PCLO: variants seen among roughly 807,000 people sequenced by gnomAD.
PCLO encodes the protein piccolo presynaptic cytomatrix protein.
Under a neutral mutation model 427.5 loss-of-function variants are expected in PCLO, and 82 were observed. The observed-to-expected ratio is 0.19, with a 90% CI of 0.16 to 0.23. The LOEUF (loss-of-function observed/expected upper bound fraction) is 0.23. Among genes scored for constraint, PCLO ranks in the 10% least tolerant of loss-of-function variants. The probability of loss-of-function intolerance (pLI) is 1.00; values close to 1 mark genes in which losing one functional copy is unlikely to be tolerated. For synonymous variants in PCLO, 2,357 were observed against 2,155.4 expected (o/e 1.09, Z -2.59); for missense variants, 6,239 against 6,115.9 (o/e 1.02, Z -0.67).
At position 82,956,348 on chromosome 7, in the gene PCLO, T is replaced by C; in HGVS notation, c.4605A>G (p.Ser1535=). Reference sequence around the variant, plus strand: ...CCTGTTTATACTCATCACTGCTTGATGAGCCAACACTAGTTCTTCGTTTTC... The same window carrying C: ...CCTGTTTATACTCATCACTGCTTGACGAGCCAACACTAGTTCTTCGTTTTC... ...PQRKRRTSVG[S]SSSDEYKQED... The change falls in exon 5 of 25, where the codon TCA becomes TCG. Residue 1535 remains serine (S), a synonymous_variant. Transcript: ENST00000333891. 6.2e-7 allele frequency: 1 copy of C among 1,613,190 alleles called. No homozygotes were observed. The highest frequency in any genetic ancestry group is 8.5e-7 in the Non-Finnish European group (1 of 1,179,770).
At chr7:83,158,576 A>G (rs1792356668) in intron 1 of PCLO, among the ~76,000 whole-genome samples, 1 of 151,966 alleles carries the variant, frequency 6.6e-6, no homozygotes, top group African/African-American at 2.4e-5. Context: ...AAATACTACT[A>G]AACTTATTTT....
intron 10 of PCLO, among the ~76,000 whole-genome samples, chr7:82,872,886 G>A (rs1030102600): frequency 6.6e-6 from 1 of 152,094 alleles, no homozygotes; most frequent in African/African-American, 2.4e-5. Context: ...AAAGACATGT[G>A]TGGCAAGATA....
Position 82,761,378 on chromosome 7 carries a change from C to T in PCLO, c.15123G>A (p.Lys5041=), listed in dbSNP as rs769619257. ...LQCRNITYKF[K]SPDHLPDLYV... is the part of the protein sequence containing the mutation. ...AGATACCTGGTAGATGATCAGGAGACTTAAATTTGTATGTAATATTTCTGC... is the reference window on the plus strand; with the variant it reads ...AGATACCTGGTAGATGATCAGGAGATTTAAATTTGTATGTAATATTTCTGC... The change falls in exon 23 of 25, where the codon AAG becomes AAA. Residue 5041 remains lysine (K), a synonymous_variant. Coordinates refer to ENST00000333891, the MANE Select transcript of PCLO (RefSeq NM_033026.6). 3 of 1,498,130 alleles carry T rather than the reference C, an allele frequency of 2.0e-6. No individual in the cohort carries two copies. The highest frequency in any genetic ancestry group is 2.7e-6 in the Non-Finnish European group (3 of 1,093,546). The allele number at this position is 1,498,130 out of a possible 1,614,324, so 92.8% of individuals were successfully genotyped here. A position where few individuals can be genotyped will look rare whatever the true frequency, so the allele number is the denominator to read the frequency against.
At chr7:83,000,671 G>T (rs1300655655) in intron 3 of PCLO, among the ~76,000 whole-genome samples, 2 of 151,940 alleles carry the variant, frequency 1.3e-5, no homozygotes, top group Non-Finnish European at 2.9e-5. Flanking sequence ...TTGCTCACTG[G>T]TCTGCTGCTC....
intron 1 of PCLO, among the ~76,000 whole-genome samples, chr7:83,158,746 G>A (rs1017792444): frequency 2.0e-5 from 3 of 151,926 alleles, no homozygotes; most frequent in African/African-American, 7.2e-5. Context: ...AATATAAGTT[G>A]TACTTTACTA....
intron 3 of PCLO, among the ~76,000 whole-genome samples, chr7:83,103,123 C>T (rs887195410): frequency 2.0e-5 from 3 of 151,848 alleles, no homozygotes; most frequent in Non-Finnish European, 1.5e-5. Context: ...AGTGTCTATA[C>T]TATGAATCTT....
intron 2 of PCLO, among the ~76,000 whole-genome samples, chr7:83,138,529 T>C (rs1791785424): frequency 6.6e-6 from 1 of 151,912 alleles, no homozygotes; most frequent in Non-Finnish European, 1.5e-5. Context: ...GGTGTAGTGG[T>C]GCATGCCTGC....
intron 22 of PCLO, among the ~76,000 whole-genome samples, chr7:82,764,970 T>C (rs947593683): frequency 2.0e-5 from 3 of 151,930 alleles, no homozygotes; most frequent in Non-Finnish European, 2.9e-5. Context: ...ATAATGAATA[T>C]ACCTTTTTCT....
chr7:82,883,068 G>A (rs1295830172), intron 9 of PCLO, among the ~76,000 whole-genome samples: 2 of 152,006 alleles, frequency 1.3e-5, no homozygotes, highest in Non-Finnish European at 2.9e-5. Context: ...TCAACGGAAA[G>A]CAAAATTGGT....
intron 3 of PCLO, among the ~76,000 whole-genome samples, chr7:83,039,266 C>T (rs962040641): frequency 3.3e-5 from 5 of 151,824 alleles, no homozygotes; most frequent in African/African-American, 1.2e-4. Flanking sequence ...ACTTTTGGGG[C>T]CAGATCTATG....
At chr7:83,078,829 C>T (rs1299589143) in intron 3 of PCLO, among the ~76,000 whole-genome samples, 4 of 152,102 alleles carry the variant, frequency 2.6e-5, no homozygotes, top group African/African-American at 9.7e-5. Context: ...ATCCAACCCA[C>T]CTGGCCACTA....
At chr7:83,080,242 T>C (rs772986049) in intron 3 of PCLO, among the ~76,000 whole-genome samples, 9 of 152,168 alleles carry the variant, frequency 5.9e-5, no homozygotes, top group Non-Finnish European at 8.8e-5. Context: ...TATCCAGTAA[T>C]GGGATTGCTG....
At chr7:82,998,391 A>AAACAACAACAACAACAACAACAAC (rs79603092) in intron 3 of PCLO, among the ~76,000 whole-genome samples, 1 of 149,174 alleles carries the variant, frequency 6.7e-6, no homozygotes, top group Non-Finnish European at 1.5e-5. Context: ...TGTCCTTTAA[A>AAACAACAACAACAACAACAACAAC]AACAACAACA....
chr7:82,917,285 T>A (rs1017677307), intron 6 of PCLO, among the ~76,000 whole-genome samples: 3 of 152,128 alleles, frequency 2.0e-5, no homozygotes, highest in Admixed American at 2.0e-4. Context: ...TCCCATTTTT[T>A]AAATTACATC....
At chr7:83,031,598 A>G (rs1788666392) in intron 3 of PCLO, among the ~76,000 whole-genome samples, 1 of 152,216 alleles carries the variant, frequency 6.6e-6, no homozygotes, top group African/African-American at 2.4e-5. Flanking sequence ...AAAGACATTC[A>G]GAACAGTCTT....
intron 3 of PCLO, among the ~76,000 whole-genome samples, chr7:82,994,622 T>G (rs1235738425): frequency 6.6e-6 from 1 of 151,244 alleles, no homozygotes; most frequent in African/African-American, 2.4e-5. Flanking sequence ...AGTAGGTATA[T>G]ATATATATTT....
chr7:82,980,213 G>A (rs945976532), intron 3 of PCLO, among the ~76,000 whole-genome samples: 8 of 152,140 alleles, frequency 5.3e-5, no homozygotes, highest in Non-Finnish European at 1.0e-4. Flanking sequence ...CCTGGAATGA[G>A]TCAGGGGAGA....
At chr7:82,985,924 A>G (rs1457130707) in intron 3 of PCLO, among the ~76,000 whole-genome samples, 2 of 151,968 alleles carry the variant, frequency 1.3e-5, no homozygotes, top group Non-Finnish European at 2.9e-5. Flanking sequence ...TAAATCTATT[A>G]TTTTTAGAAA....
intron 9 of PCLO, among the ~76,000 whole-genome samples, chr7:82,899,164 C>A (rs1306929128): frequency 6.6e-6 from 1 of 151,240 alleles, no homozygotes; most frequent in African/African-American, 2.4e-5. Context: ...ACCATTTTAT[C>A]AATTTAAAAA....
Sources: gnomAD v4.1 joint callset for allele counts (sites outside exome capture counted in the v4.1 genomes callset) on GRCh38, gnomAD v4.1.1 for gene constraint, MANE v1.5 for transcripts, NCBI Gene and HGNC (gene_info 2026-07-23, HGNC 2026-07-21) for gene names.